Variants in HESX1 observed in about 807,000 individuals in gnomAD.
The protein encoded by HESX1 is HESX homeobox 1, also known as homeobox expressed in ES cells 1.
A neutral mutation model predicts 22.5 loss-of-function variants in HESX1; 11 were observed. That is an observed-to-expected ratio of 0.49 (90% CI 0.31 to 0.81). The LOEUF is 0.81. Ranked by LOEUF, HESX1 falls within the 30% of genes least tolerant of loss-of-function variation. The pLI is 0.05. For synonymous variants in HESX1, 74 were observed against 76.5 expected (o/e 0.97, Z 0.17); for missense variants, 201 against 212.6 (o/e 0.95, Z 0.34).
chr3:57,209,715 A>G (rs940659479), intron 1 of HESX1, among the ~76,000 whole-genome samples: 1 of 152,038 alleles, frequency 6.6e-6, no homozygotes, highest in African/African-American at 2.4e-5. Context: ...GATGATAAAA[A>G]CAAAAAACAA....
At chr3:57,211,511 CAGAG>C (rs2060553407) in intron 1 of HESX1, among the ~76,000 whole-genome samples, 1 of 107,716 alleles carries the variant, frequency 9.3e-6, no homozygotes. Flanking sequence ...TTCTGGGTGA[CAGAG>C]AGAGACCTTG....
upstream of HESX1, chr3:57,199,994 C>CTG (rs1199595919): frequency 3.9e-6 from 5 of 1,283,206 alleles, no homozygotes; most frequent in African/African-American, 5.8e-5. Flanking sequence ...TGGGATCTTC[C>CTG]TGCAGTTCAC....
Position 57,198,224 on chromosome 3 carries a change from T to A in HESX1, c.531A>T (p.Lys177Asn), listed in dbSNP as rs1481713480. 1.9e-6 allele frequency: 3 copies of A among 1,612,524 alleles called. No individual in the cohort carries two copies. Among genetic ancestry groups the A allele is most frequent in the Middle Eastern group, 1.7e-4 (1 of 6,052 alleles). Residue 177 changes from lysine (K) to asparagine (N), a missense_variant, in exon 4 of 4, where the codon AAA becomes AAT. Coordinates refer to ENST00000295934, the MANE Select transcript of HESX1 (RefSeq NM_003865.3). ...ATTCCAGCAGATTTGTGTTGAAATT[T>A]TTTTTCGCCATTAGAAACTGTGATT... ...HRESQFLMAK[K>N]NFNTNLLE
intron 1 of HESX1, among the ~76,000 whole-genome samples, chr3:57,199,315 G>A (rs1334440513): frequency 6.6e-6 from 1 of 152,146 alleles, no homozygotes; most frequent in Non-Finnish European, 1.5e-5. Flanking sequence ...CTCAGTTGGA[G>A]GCATTAAAAG....
intron 1 of HESX1, among the ~76,000 whole-genome samples, chr3:57,210,696 G>A (rs1389422880): frequency 6.6e-6 from 1 of 152,234 alleles, no homozygotes; most frequent in African/African-American, 2.4e-5. Flanking sequence ...GATGGGACTA[G>A]CAAGATGTGA....
At chr3:57,225,816 A>AT (rs2060639220) in intron 1 of HESX1, among the ~76,000 whole-genome samples, 1 of 151,690 alleles carries the variant, frequency 6.6e-6, no homozygotes, top group Non-Finnish European at 1.5e-5. Flanking sequence ...AACTAATCGA[A>AT]TTTTTCATCG....
chr3:57,205,514 C>A (rs1267632267), intron 1 of HESX1, among the ~76,000 whole-genome samples: 12 of 152,150 alleles, frequency 7.9e-5, no homozygotes, highest in Admixed American at 7.9e-4. Flanking sequence ...TTGATCTCAC[C>A]TCCTACTCCT....
chr3:57,221,015 C>T (rs1454740882), intron 1 of HESX1, among the ~76,000 whole-genome samples: 1 of 152,162 alleles, frequency 6.6e-6, no homozygotes, highest in Non-Finnish European at 1.5e-5. Context: ...GATGGTCTCT[C>T]CTTCTGGAAT....
chr3:57,208,943 G>C (rs1016833661), intron 1 of HESX1, among the ~76,000 whole-genome samples: 18 of 151,656 alleles, frequency 1.2e-4, no homozygotes, highest in African/African-American at 4.1e-4. Flanking sequence ...CTGGGTGACA[G>C]AGTGAGACTG....
intron 1 of HESX1, among the ~76,000 whole-genome samples, chr3:57,209,419 G>A (rs1282807056): frequency 6.6e-6 from 1 of 152,030 alleles, no homozygotes; most frequent in Non-Finnish European, 1.5e-5. Context: ...GTGGAGGCGG[G>A]GTGGATCATC....
At chr3:57,210,864 A>C (rs2060549266) in intron 1 of HESX1, among the ~76,000 whole-genome samples, 2 of 152,220 alleles carry the variant, frequency 1.3e-5, no homozygotes, top group Non-Finnish European at 2.9e-5. Flanking sequence ...ACAGAAGAGA[A>C]GACACTATGG....
chr3:57,215,474 A>G (rs2060577847), intron 1 of HESX1, among the ~76,000 whole-genome samples: 1 of 152,150 alleles, frequency 6.6e-6, no homozygotes, highest in South Asian at 2.1e-4. Flanking sequence ...CTCTTTAAAA[A>G]CAGAAAAATG....
intron 1 of HESX1, among the ~76,000 whole-genome samples, chr3:57,222,296 A>C (rs901043988): frequency 6.6e-6 from 1 of 152,066 alleles, no homozygotes; most frequent in Non-Finnish European, 1.5e-5. Context: ...GGGTCTCGCT[A>C]TCACCAGGCT....
rs189059553 is a variant in HESX1 at position 57,199,680 on chromosome 3, C to T, written c.157+82G>A. 2,173 of 1,180,490 alleles carry T rather than the reference C, an allele frequency of 1.8e-3. 6 individuals are homozygous for T. The highest frequency in any genetic ancestry group is 2.4e-3 in the Non-Finnish European group (1,911 of 787,216). The allele number at this position is 1,180,490 out of a possible 1,614,324, so 73.1% of individuals were successfully genotyped here. On this transcript the variant is annotated intron_variant, in intron 1 of 3. Transcript: ENST00000295934. ...ATTAAATTAAAGTCCTAAACTCTAGCTCTATGTAGTATGAAATAAAGGGCA... is the reference window on the plus strand; with the variant it reads ...ATTAAATTAAAGTCCTAAACTCTAGTTCTATGTAGTATGAAATAAAGGGCA...
At chr3:57,222,849 A>T (rs962253380) in intron 1 of HESX1, among the ~76,000 whole-genome samples, 7 of 152,222 alleles carry the variant, frequency 4.6e-5, no homozygotes, top group Non-Finnish European at 8.8e-5. Context: ...AAGTGATAAA[A>T]CATTAGCAAG....
At chr3:57,218,261 C>T (rs2060594686) in intron 1 of HESX1, among the ~76,000 whole-genome samples, 1 of 151,926 alleles carries the variant, frequency 6.6e-6, no homozygotes, top group Non-Finnish European at 1.5e-5. Context: ...TCTTTCTTAC[C>T]TCCACCCTCA....
chr3:57,222,668 C>A (rs950459251), intron 1 of HESX1, among the ~76,000 whole-genome samples: 10 of 152,040 alleles, frequency 6.6e-5, no homozygotes, highest in Non-Finnish European at 1.5e-4. Context: ...ACTCACCACC[C>A]GCCAAACAAA....
intron 1 of HESX1, among the ~76,000 whole-genome samples, chr3:57,221,035 C>G (rs998117322): frequency 2.0e-5 from 3 of 152,286 alleles, no homozygotes; most frequent in African/African-American, 7.2e-5. Flanking sequence ...TGTTTGCTCC[C>G]TAGATATCCC....
intron 1 of HESX1, among the ~76,000 whole-genome samples, chr3:57,224,243 C>T (rs1404258043): frequency 6.6e-6 from 1 of 152,122 alleles, no homozygotes; most frequent in Admixed American, 6.5e-5. Context: ...CTCGGCCTCC[C>T]GAAGTGCTGG....
Sources: gnomAD v4.1 joint callset for allele counts (sites outside exome capture counted in the v4.1 genomes callset) on GRCh38, gnomAD v4.1.1 for gene constraint, MANE v1.5 for transcripts, NCBI Gene and HGNC (gene_info 2026-07-23, HGNC 2026-07-21) for gene names.